The following ZNF529 variants were observed in gnomAD, a reference collection of about 807,000 sequenced individuals.
ZNF529 encodes zinc finger protein 529.
In ZNF529, 11 loss-of-function variants were observed where a neutral mutation model predicts 10.1. That is an observed-to-expected ratio of 1.09 (90% CI 0.69 to 1.81). The LOEUF is 1.81. ZNF529 is among the 40% of genes most tolerant of loss of function. The pLI, the probability that ZNF529 is intolerant of heterozygous loss-of-function variation, is 0.00. For synonymous variants in ZNF529, 204 were observed against 215.7 expected (o/e 0.95, Z 0.47); for missense variants, 624 against 666.8 (o/e 0.94, Z 0.71).
chr19:36,562,217 G>A (rs1310236375), intron 2 of ZNF529, among the ~76,000 whole-genome samples: 9 of 147,770 alleles, frequency 6.1e-5, no homozygotes, highest in South Asian at 4.3e-4. Flanking sequence ...CAGCCCAGGG[G>A]AAAAAAAAAA....
In ZNF529 at chr19:36,573,089, C is replaced by G. The variant is rs988964373; in HGVS notation, c.-47+51G>C. On this transcript the variant is annotated intron_variant, in intron 1 of 4. Transcript: ENST00000591340. ...GCACCCACGGCACACACTAGGGTCTCCGTCTCTCACACACACACACCACAA... is the reference window on the plus strand; with the variant it reads ...GCACCCACGGCACACACTAGGGTCTGCGTCTCTCACACACACACACCACAA... 25 of 206,212 alleles carry G rather than the reference C, an allele frequency of 1.2e-4. No homozygotes were observed. The Admixed American group carries it at 1.3e-3, about 11-fold the overall frequency. The allele number at this position is 206,212 out of a possible 1,614,324, so 12.8% of individuals were successfully genotyped here.
intron 1 of ZNF529, among the ~76,000 whole-genome samples, chr19:36,572,676 C>T (rs572314626): frequency 6.6e-6 from 1 of 152,126 alleles, no homozygotes; most frequent in Non-Finnish European, 1.5e-5. Flanking sequence ...TACACCTATG[C>T]CCTCCCCTTC....
intron 1 of ZNF529, chr19:36,594,337 C>G (rs1045110219): frequency 6.6e-6 from 1 of 152,138 alleles, no homozygotes; most frequent in Non-Finnish European, 1.5e-5. Flanking sequence ...ATTGGGTAGG[C>G]CTTTGGGACT....
chr19:36,596,860 T>C (rs1370353253), intron 1 of ZNF529, among the ~76,000 whole-genome samples: 2 of 152,106 alleles, frequency 1.3e-5, no homozygotes, highest in Non-Finnish European at 2.9e-5. Flanking sequence ...TAAAAGTGTG[T>C]CAGCTACTAA....
At chr19:36,594,821 T>A (rs890775868) in intron 1 of ZNF529, 1 of 152,064 alleles carries the variant, frequency 6.6e-6, no homozygotes, top group Non-Finnish European at 1.5e-5. Context: ...CCACATGGAA[T>A]CCTGCCTCCC....
chr19:36,598,317 C>T (rs779668987), intron 1 of ZNF529, among the ~76,000 whole-genome samples: 3 of 151,988 alleles, frequency 2.0e-5, no homozygotes, highest in Admixed American at 1.3e-4. Context: ...CAAGACCAGC[C>T]TAGGCAACAT....
Position 36,588,942 on chromosome 19 carries a change from C to CT in ZNF529, c.-41+672dup, listed in dbSNP as rs11352017. ...AAAGAGGGGGTTGTGAGAACCCCAT[C>CT]TTTTTTTTTTTTTTTTTTAAGACAG... On this transcript the variant is annotated intron_variant, in intron 2 of 4. Coordinates refer to the ZNF529 transcript ENST00000585960. 4.7e-3 allele frequency among the ~76,000 whole-genome samples: 648 copies of CT among 139,286 alleles called. 25 individuals carry two copies. In the East Asian group the frequency reaches 0.055, roughly 12 times the overall value. The allele number at this position is 139,286 out of a possible 152,430, so 91.4% of individuals were successfully genotyped here. A position where few individuals can be genotyped will look rare whatever the true frequency, so the allele number is the denominator to read the frequency against.
At chr19:36,571,409 T>C (rs2145844563) in intron 2 of ZNF529, among the ~76,000 whole-genome samples, 1 of 152,334 alleles carries the variant, frequency 6.6e-6, no homozygotes, top group East Asian at 1.9e-4. Flanking sequence ...GCGCAGTGGC[T>C]CACGCCTGTA....
chr19:36,566,092 T>C (rs1278858511), intron 2 of ZNF529, among the ~76,000 whole-genome samples: 1 of 152,174 alleles, frequency 6.6e-6, no homozygotes, highest in Non-Finnish European at 1.5e-5. Flanking sequence ...AGCCCTTGAC[T>C]AACACCTAGA....
intron 2 of ZNF529, chr19:36,581,111 A>G (rs1304600533): frequency 6.6e-6 from 1 of 152,198 alleles, no homozygotes; most frequent in Non-Finnish European, 1.5e-5. Context: ...CATACCCACA[A>G]TTGAAAAATT....
intron 1 of ZNF529, chr19:36,605,055 C>T (rs914329283): frequency 2.0e-5 from 3 of 152,672 alleles, no homozygotes; most frequent in Non-Finnish European, 4.4e-5. Context: ...CAAACCCTCT[C>T]CGCGTCCCAT....
At chr19:36,559,498 G>A (rs1320383683) in intron 2 of ZNF529, among the ~76,000 whole-genome samples, 2 of 152,172 alleles carry the variant, frequency 1.3e-5, no homozygotes, top group Non-Finnish European at 2.9e-5. Flanking sequence ...TAATAGAGAC[G>A]GGGTTTCACC....
intron 2 of ZNF529, among the ~76,000 whole-genome samples, chr19:36,569,197 G>A (rs2036005777): frequency 6.6e-6 from 1 of 151,938 alleles, no homozygotes; most frequent in African/African-American, 2.4e-5. Context: ...CCAACGGTCT[G>A]CAAAAATTAG....
chr19:36,566,700 G>A (rs2035910426), intron 2 of ZNF529, among the ~76,000 whole-genome samples: 1 of 151,354 alleles, frequency 6.6e-6, no homozygotes, highest in South Asian at 2.1e-4. Flanking sequence ...CCTGGGTGAT[G>A]GAATGATACC....
upstream of ZNF529, among the ~76,000 whole-genome samples, chr19:36,576,751 A>G (rs1352079182): frequency 6.6e-6 from 1 of 150,862 alleles, no homozygotes; most frequent in East Asian, 2.0e-4. Context: ...ATAATTGGCT[A>G]TATCACTCAG....
intron 2 of ZNF529, among the ~76,000 whole-genome samples, chr19:36,567,899 T>G (rs1226023054): frequency 6.6e-6 from 1 of 152,162 alleles, no homozygotes; most frequent in Non-Finnish European, 1.5e-5. Context: ...TGAAAAAATA[T>G]CTGCAAATCA....
chr19:36,592,365 G>A (rs1294778630), intron 1 of ZNF529, among the ~76,000 whole-genome samples: 3 of 150,472 alleles, frequency 2.0e-5, no homozygotes, highest in African/African-American at 7.3e-5. Flanking sequence ...AGGCCAAGGC[G>A]GGCGGACTGC....
At chr19:36,569,430 CAT>C (rs2036014702) in intron 2 of ZNF529, among the ~76,000 whole-genome samples, 1 of 152,078 alleles carries the variant, frequency 6.6e-6, no homozygotes, top group African/African-American at 2.4e-5. Flanking sequence ...ACGAAAATGA[CAT>C]ATAAATAAGT....
intron 1 of ZNF529, among the ~76,000 whole-genome samples, chr19:36,591,926 T>G (rs2036726905): frequency 6.6e-6 from 1 of 151,840 alleles, no homozygotes; most frequent in Non-Finnish European, 1.5e-5. Context: ...ATAAAGATAT[T>G]ACAAGGAAAG....
Sources: gnomAD v4.1 joint callset for allele counts (sites outside exome capture counted in the v4.1 genomes callset) on GRCh38, gnomAD v4.1.1 for gene constraint, MANE v1.5 for transcripts, NCBI Gene and HGNC (gene_info 2026-07-23, HGNC 2026-07-21) for gene names.